Variants in TAFA2 observed in about 807,000 individuals in gnomAD.
The protein encoded by TAFA2 is TAFA chemokine like family member 2.
A neutral mutation model predicts 18.8 loss-of-function variants in TAFA2; 7 were observed. The observed-to-expected ratio is 0.37, with a 90% CI of 0.21 to 0.70. The LOEUF is 0.70. TAFA2 is among the 30% of genes least tolerant of loss of function. The pLI is 0.53. For missense variants in TAFA2, 122 were observed against 158.1 expected, an observed-to-expected ratio of 0.77 and a Z score of 1.23; for synonymous variants, 60 against 54.2, an observed-to-expected ratio of 1.11 and a Z score of -0.47.
chr12:61,919,963 T>C (rs1004324960), intron 1 of TAFA2, among the ~76,000 whole-genome samples: 3 of 152,178 alleles, frequency 2.0e-5, no homozygotes, highest in African/African-American at 7.2e-5. Context: ...TTTCTTGATG[T>C]GAAGCTAAAA....
rs186841265 is a variant in TAFA2 at position 62,237,226 on chromosome 12, C to T, written c.-130+21537G>A. Among the ~76,000 whole-genome samples the T allele has an allele frequency of 2.9e-3, 441 of 152,124 alleles. 1 individual carries two copies. Among genetic ancestry groups the T allele is most frequent in the African/African-American group, 9.9e-3 (411 of 41,504 alleles). On this transcript the variant is annotated intron_variant, in intron 1 of 5. Transcript: ENST00000551619. ...CTTTTTTCACATGATCCATTCTGTT[C>T]GCCGGGCGCGGTGGCTCACGCCTGT...
intron 1 of TAFA2, among the ~76,000 whole-genome samples, chr12:62,025,606 T>C (rs1485727714): frequency 1.3e-5 from 2 of 151,948 alleles, no homozygotes; most frequent in Non-Finnish European, 2.9e-5. Flanking sequence ...TTAAGCAGAG[T>C]GGGTAAAATT....
At chr12:61,835,828 C>T (rs1009035076) in intron 2 of TAFA2, among the ~76,000 whole-genome samples, 17 of 151,766 alleles carry the variant, frequency 1.1e-4, no homozygotes, top group African/African-American at 4.1e-4. Context: ...ATATTTGTTT[C>T]GTACCTATTT....
intron 2 of TAFA2, among the ~76,000 whole-genome samples, chr12:61,803,071 A>G (rs1201660270): frequency 6.6e-6 from 1 of 152,030 alleles, no homozygotes; most frequent in Non-Finnish European, 1.5e-5. Flanking sequence ...TTAAAGAATG[A>G]ATAGCATAAA....
In TAFA2 at chr12:61,781,030, C is replaced by A. The variant is rs895654678; in HGVS notation, c.107-26006G>T. ...TCCCATCTAACTATCTAAAAATAATCCCTCACCAGCTCACAAGGGAAATTA... is the reference window on the plus strand; with the variant it reads ...TCCCATCTAACTATCTAAAAATAATACCTCACCAGCTCACAAGGGAAATTA... On this transcript the variant is annotated intron_variant, in intron 2 of 4. Transcript: ENST00000416284. 5.9e-5 allele frequency among the ~76,000 whole-genome samples: 9 copies of A among 151,548 alleles called. 1 individual carries two copies. Among genetic ancestry groups the A allele is most frequent in the Admixed American group, 4.6e-4 (7 of 15,160 alleles).
intron 1 of TAFA2, among the ~76,000 whole-genome samples, chr12:61,999,639 G>A (rs559910696): frequency 6.6e-6 from 1 of 152,246 alleles, no homozygotes; most frequent in East Asian, 1.9e-4. Context: ...ATCCACCTGT[G>A]CCTGTTTCTG....
intron 1 of TAFA2, among the ~76,000 whole-genome samples, chr12:62,185,180 A>T (rs534397937): frequency 6.6e-6 from 1 of 152,364 alleles, no homozygotes; most frequent in African/African-American, 2.4e-5. Flanking sequence ...CAGGAAAAAA[A>T]CTGTCATATA....
chr12:61,986,222 T>C (rs927457529), intron 1 of TAFA2, among the ~76,000 whole-genome samples: 9 of 135,228 alleles, frequency 6.7e-5, no homozygotes, highest in African/African-American at 2.2e-4. Context: ...TGGAGTTCAA[T>C]GGCATGATCT....
chr12:62,160,068 T>C lies in TAFA2; in HGVS notation c.-2+31191A>G, dbSNP rs577646291. ...GTAATGAACATCATCTGCGTGCCAG[T>C]TCCCATACAGTCCCATAGTGTTAGA... On this transcript the variant is annotated intron_variant, in intron 1 of 4. Coordinates refer to ENST00000416284, the MANE Select transcript of TAFA2 (RefSeq NM_178539.5). Among the ~76,000 whole-genome samples the C allele has an allele frequency of 2.0e-5, 3 of 152,164 alleles. No homozygotes were observed. The South Asian group carries it at 6.2e-4, about 32-fold the overall frequency.
chr12:62,011,535 G>C (rs1022035701), intron 1 of TAFA2, among the ~76,000 whole-genome samples: 2 of 152,134 alleles, frequency 1.3e-5, no homozygotes, highest in African/African-American at 2.4e-5. Flanking sequence ...TTGTTAAACA[G>C]ATGCTTGAAG....
intron 1 of TAFA2, chr12:61,890,222 A>T (rs1875569599): frequency 6.6e-6 from 1 of 152,244 alleles, no homozygotes; most frequent in Non-Finnish European, 1.5e-5. Context: ...CACTTTGTGG[A>T]TTCCCACCTG....
At position 62,150,668 on chromosome 12, in the gene TAFA2, C is replaced by T. The variant is rs139334631; in HGVS notation, c.-2+40591G>A. On this transcript the variant is annotated intron_variant, in intron 1 of 4. Transcript: ENST00000416284. ...CTGTAATCACAGCACTTTGGGAGGC[C>T]GAGGCTGTTGGATCATTTGAGGTCA... is the stretch of plus-strand genomic sequence containing the variant. 2.0e-3 allele frequency among the ~76,000 whole-genome samples: 308 copies of T among 152,076 alleles called. 1 individual carries two copies. Among genetic ancestry groups the T allele is most frequent in the African/African-American group, 6.7e-3 (279 of 41,498 alleles).
intron 4 of TAFA2, among the ~76,000 whole-genome samples, chr12:61,749,119 A>T (rs1449167911): frequency 1.3e-5 from 2 of 151,894 alleles, no homozygotes; most frequent in South Asian, 2.1e-4. Context: ...TAAAAAAAAA[A>T]AAAAATAGCT....
intron 1 of TAFA2, among the ~76,000 whole-genome samples, chr12:62,151,553 C>A (rs981451953): frequency 6.6e-6 from 1 of 152,196 alleles, no homozygotes; most frequent in Non-Finnish European, 1.5e-5. Flanking sequence ...AGAGAAAAGA[C>A]TTGATACTTT....
At chr12:62,025,578 G>C (rs1881285713) in intron 1 of TAFA2, among the ~76,000 whole-genome samples, 1 of 152,046 alleles carries the variant, frequency 6.6e-6, no homozygotes, top group Admixed American at 6.6e-5. Context: ...GTTTCTGCAT[G>C]AAATCTATCA....
At chr12:61,936,503 G>T (rs1224569704) in intron 1 of TAFA2, among the ~76,000 whole-genome samples, 1 of 152,102 alleles carries the variant, frequency 6.6e-6, no homozygotes, top group African/African-American at 2.4e-5. Flanking sequence ...AGGAGATGAA[G>T]GTTGCAGTGA....
chr12:62,080,569 T>C (rs1038135343), intron 1 of TAFA2, among the ~76,000 whole-genome samples: 1 of 152,180 alleles, frequency 6.6e-6, no homozygotes, highest in Non-Finnish European at 1.5e-5. Context: ...GAATGTGTGC[T>C]ACTGGTATGG....
chr12:62,193,125 G>A (rs1054930298), upstream of TAFA2, among the ~76,000 whole-genome samples: 8 of 152,166 alleles, frequency 5.3e-5, no homozygotes, highest in African/African-American at 1.9e-4. Context: ...GTGCATATGA[G>A]CTCAAATGAA....
chr12:62,245,675 A>C (rs953804086), intron 1 of TAFA2, among the ~76,000 whole-genome samples: 1 of 147,652 alleles, frequency 6.8e-6, no homozygotes, highest in East Asian at 1.9e-4. Flanking sequence ...AAATATTTTT[A>C]TAAATATATA....
Sources: allele counts gnomAD v4.1 joint callset (sites outside exome capture counted in the v4.1 genomes callset), GRCh38; gene constraint gnomAD v4.1.1; transcripts MANE v1.5; gene names NCBI Gene and HGNC (gene_info 2026-07-23, HGNC 2026-07-21).